TRIP4: variants seen among roughly 807,000 people sequenced by gnomAD.
The protein encoded by TRIP4 is thyroid hormone receptor interactor 4, also known as activating signal cointegrator 1.
Under a neutral mutation model 81.8 loss-of-function variants are expected in TRIP4, and 54 were observed. The ratio of observed to expected loss-of-function variants is 0.66; its 90% CI spans 0.53 to 0.83. The LOEUF (loss-of-function observed/expected upper bound fraction) is 0.83. Ranked by LOEUF, TRIP4 falls within the 40% of genes least tolerant of loss-of-function variation. The pLI is 0.00. For missense variants in TRIP4, 662 were observed against 683.6 expected, an observed-to-expected ratio of 0.97 and a Z score of 0.35; for synonymous variants, 270 against 242.8, an observed-to-expected ratio of 1.11 and a Z score of -1.04.
chr15:64,390,536 G>A (rs1900095049), intron 1 of TRIP4, among the ~76,000 whole-genome samples: 1 of 151,982 alleles, frequency 6.6e-6, no homozygotes, highest in South Asian at 2.1e-4. Flanking sequence ...AAGAATGATA[G>A]ATGTAGTCTT....
At chr15:64,423,461 CAAAAAAAAAAAAAAAA>C (rs58166289) in intron 9 of TRIP4, among the ~76,000 whole-genome samples, 10 of 71,092 alleles carry the variant, frequency 1.4e-4, no homozygotes, top group Admixed American at 6.9e-4. Flanking sequence ...GACTCCGTCT[CAAAAAAAAAAAAAAAA>C]AAAAAAAAAA....
chr15:64,407,615 C>T (rs1256553983), intron 6 of TRIP4, among the ~76,000 whole-genome samples: 5 of 151,782 alleles, frequency 3.3e-5, no homozygotes, highest in Admixed American at 2.6e-4. Flanking sequence ...TGCAGTGAGC[C>T]AAGATTGTGC....
intron 11 of TRIP4, among the ~76,000 whole-genome samples, chr15:64,436,019 G>A (rs1325756070): frequency 6.6e-6 from 1 of 152,054 alleles, no homozygotes; most frequent in Non-Finnish European, 1.5e-5. Flanking sequence ...CTCAGGCTGG[G>A]CGGGGTGGCT....
At chr15:64,434,993 G>C (rs1892357746) in intron 11 of TRIP4, among the ~76,000 whole-genome samples, 1 of 144,180 alleles carries the variant, frequency 6.9e-6, no homozygotes, top group Non-Finnish European at 1.5e-5. Context: ...AGGTGGGCAG[G>C]TCACTTGAGC....
intron 1 of TRIP4, among the ~76,000 whole-genome samples, chr15:64,389,210 A>AT (rs1441037527): frequency 2.0e-5 from 3 of 152,230 alleles, no homozygotes; most frequent in African/African-American, 7.2e-5. Context: ...CCTTCATTTG[A>AT]TTCCTTGGTC....
rs1023015889 is a variant in TRIP4 at position 64,402,512 on chromosome 15, G to A, written c.697+1691G>A. 1.2e-4 allele frequency among the ~76,000 whole-genome samples: 17 copies of A among 140,490 alleles called. No individual in the cohort carries two copies. In the South Asian group the frequency reaches 3.9e-3, roughly 32 times the overall value. The allele number at this position is 140,490 out of a possible 152,430, so 92.2% of individuals were successfully genotyped here. On this transcript the variant is annotated intron_variant, in intron 5 of 12. Coordinates refer to ENST00000261884, the MANE Select transcript of TRIP4 (RefSeq NM_016213.5). ...CTGGGATTAAGGTGTGAGCCACCGC[G>A]CCCGGCCAACATTTTTTTTTTTTTT...
chr15:64,424,085 C>T lies in TRIP4; in HGVS notation c.1413C>T (p.Ala471=), dbSNP rs768478890. 6.2e-7 allele frequency: 1 copy of T among 1,614,074 alleles called. No homozygotes were observed. Among genetic ancestry groups the T allele is most frequent in the Non-Finnish European group, 8.5e-7 (1 of 1,180,028 alleles). ...ACAGAGGACGACTTTGGATAGCAGCCACAGCTAAAAAACCCTCCCCTCAAG... is the reference window on the plus strand; with the variant it reads ...ACAGAGGACGACTTTGGATAGCAGCTACAGCTAAAAAACCCTCCCCTCAAG... ...TPHRGRLWIA[A]TAKKPSPQEV... The change falls in exon 10 of 13, where the codon GCC becomes GCT. Residue 471 remains alanine (A), a synonymous_variant. Coordinates refer to ENST00000261884, the MANE Select transcript of TRIP4 (RefSeq NM_016213.5).
chr15:64,442,175 C>T (rs1044921300), intron 11 of TRIP4, among the ~76,000 whole-genome samples: 3 of 145,826 alleles, frequency 2.1e-5, no homozygotes, highest in Non-Finnish European at 4.5e-5. Context: ...GAGTTTTAAG[C>T]AGAAGAATGG....
At chr15:64,397,932 ACTTTGTCG>A in intron 4 of TRIP4, 114 bp downstream of exon 4, 1 of 1,200,674 alleles carries the variant, frequency 8.3e-7, no homozygotes, top group Non-Finnish European at 1.1e-6. Context: ...ACGGAGTCTC[ACTTTGTCG>A]CCCAGGCTGG....
intron 1 of TRIP4, among the ~76,000 whole-genome samples, chr15:64,388,516 C>T (rs967448377): frequency 6.6e-6 from 1 of 152,084 alleles, no homozygotes; most frequent in Admixed American, 6.6e-5. Context: ...ACCATGTTGG[C>T]CAGGCTAGTC....
chr15:64,398,063 G>A (rs551093215), intron 4 of TRIP4, among the ~76,000 whole-genome samples: 1 of 151,994 alleles, frequency 6.6e-6, no homozygotes, highest in Non-Finnish European at 1.5e-5. Context: ...ACCACGCCCA[G>A]CTAATTTTTT....
intron 9 of TRIP4, among the ~76,000 whole-genome samples, chr15:64,423,461 C>CAAAAA (rs58166289): frequency 1.4e-5 from 1 of 71,092 alleles, no homozygotes; most frequent in South Asian, 8.7e-4. Flanking sequence ...GACTCCGTCT[C>CAAAAA]AAAAAAAAAA....
intron 9 of TRIP4, among the ~76,000 whole-genome samples, chr15:64,423,741 T>A (rs1156402178): frequency 1.3e-5 from 2 of 152,124 alleles, no homozygotes; most frequent in East Asian, 3.9e-4. Context: ...CCAAGACTGG[T>A]CAGGGTTCCA....
chr15:64,405,608 G>T (rs1891605630), intron 5 of TRIP4, among the ~76,000 whole-genome samples: 1 of 152,168 alleles, frequency 6.6e-6, no homozygotes, highest in Non-Finnish European at 1.5e-5. Context: ...GCATTTAGCA[G>T]GTTCTCATTA....
intron 11 of TRIP4, among the ~76,000 whole-genome samples, chr15:64,431,847 A>ATATTTTTTTTTTTTTTTTTTTTTT: frequency 8.4e-6 from 1 of 119,558 alleles, no homozygotes; most frequent in African/African-American, 3.3e-5. Context: ...ATATATATAT[A>ATATTTTTTTTTTTTTTTTTTTTTT]TTTTTTTTAT....
chr15:64,424,277 A>G (rs1892088779), intron 10 of TRIP4, 122 bp downstream of exon 10: 4 of 1,391,200 alleles, frequency 2.9e-6, no homozygotes, highest in African/African-American at 2.9e-5. Flanking sequence ...TAATCTTTGT[A>G]TATGTTTGTT....
chr15:64,396,092 A>G (rs1596335841), intron 3 of TRIP4, among the ~76,000 whole-genome samples: 2 of 151,532 alleles, frequency 1.3e-5, no homozygotes, highest in East Asian at 1.9e-4. Context: ...GTATTTTAGT[A>G]GAGATGGGGT....
At chr15:64,422,951 A>G (rs961999409) in intron 9 of TRIP4, among the ~76,000 whole-genome samples, 1 of 152,206 alleles carries the variant, frequency 6.6e-6, no homozygotes, top group African/African-American at 2.4e-5. Flanking sequence ...GATATGAAAA[A>G]TTCATGACCC....
In TRIP4 at chr15:64,409,714, A is replaced by T; in HGVS notation, c.929A>T (p.Glu310Val). 6.2e-7 allele frequency: 1 copy of T among 1,614,138 alleles called. No homozygotes were observed. The stretch of plus-strand genomic sequence containing the variant: ...GAGCGGGAAACCTTGCAGAAGCGAG[A>T]GGAGGAGCTGAGAGAACTTCGACAC... ...KLERETLQKREEELRELRHAS... is the reference protein window; with the variant it reads ...KLERETLQKRVEELRELRHAS... The change falls in exon 7 of 13, where the codon GAG becomes GTG. Residue 310 changes from glutamate to valine, a missense_variant. Glu to Val is a moderately radical substitution (Grantham distance 121). Transcript: ENST00000261884.
Sources: allele counts gnomAD v4.1 joint callset (sites outside exome capture counted in the v4.1 genomes callset), GRCh38; gene constraint gnomAD v4.1.1; transcripts MANE v1.5; gene names NCBI Gene and HGNC (gene_info 2026-07-23, HGNC 2026-07-21).